The following SRCIN1 variants were observed in gnomAD, a reference collection of about 807,000 sequenced individuals.
SRCIN1 encodes the protein SRC kinase signaling inhibitor 1.
In SRCIN1, 50 loss-of-function variants were observed where a neutral mutation model predicts 116.2. The observed-to-expected ratio is 0.43, with a 90% CI of 0.34 to 0.54. The LOEUF (loss-of-function observed/expected upper bound fraction) is 0.54, where lower values mean the gene tolerates loss of function less well. SRCIN1 is among the 20% of genes least tolerant of loss of function. The probability of loss-of-function intolerance (pLI) is 0.02; values close to 1 mark genes in which losing one functional copy is unlikely to be tolerated. For missense variants in SRCIN1, 1,446 were observed against 1,672.0 expected, an observed-to-expected ratio of 0.86 and a Z score of 2.36; for synonymous variants, 736 against 750.0, an observed-to-expected ratio of 0.98 and a Z score of 0.30.
chr17:38,540,006 G>A (rs556059891), intron 18 of SRCIN1, among the ~76,000 whole-genome samples: 1 of 134,588 alleles, frequency 7.4e-6, no homozygotes, highest in Non-Finnish European at 1.5e-5. Context: ...GAGCAACAGA[G>A]CGAGACTCCA....
At chr17:38,543,442 C>T (rs1228945617) in intron 18 of SRCIN1, among the ~76,000 whole-genome samples, 1 of 152,228 alleles carries the variant, frequency 6.6e-6, no homozygotes, top group African/African-American at 2.4e-5. Context: ...AATCCCCCTT[C>T]TGCACCCCAG....
Position 38,530,804 on chromosome 17 carries a change from T to C in SRCIN1, c.*2493A>G, listed in dbSNP as rs9903055. The C allele has an allele frequency of 8.5e-4, 130 of 152,414 alleles. No individual in the cohort carries two copies. Among genetic ancestry groups the C allele is most frequent in the African/African-American group, 2.9e-3 (120 of 41,576 alleles). The allele number at this position is 152,414 out of a possible 1,614,324, so 9.4% of individuals were successfully genotyped here. A position where few individuals can be genotyped will look rare whatever the true frequency, so the allele number is the denominator to read the frequency against. ...AGCTCCTCTCACGCTAACATGCAGG[T>C]AGGCACGTGCCAATGCCCAAACAGG... On this transcript the variant is annotated 3_prime_UTR_variant, in exon 19 of 19. Coordinates refer to ENST00000617146, the MANE Select transcript of SRCIN1 (RefSeq NM_025248.3).
rs908468291 is a variant in SRCIN1 at position 38,604,467 on chromosome 17, G to A, written c.22+1217C>T. 1.8e-5 allele frequency: 8 copies of A among 452,648 alleles called. No homozygotes were observed. Among genetic ancestry groups the A allele is most frequent in the African/African-American group, 1.4e-4 (7 of 49,548 alleles). The allele number at this position is 452,648 out of a possible 1,614,324, so 28.0% of individuals were successfully genotyped here. A position where few individuals can be genotyped will look rare whatever the true frequency, so the allele number is the denominator to read the frequency against. On this transcript the variant is annotated intron_variant, in intron 1 of 18. Coordinates refer to ENST00000617146, the MANE Select transcript of SRCIN1 (RefSeq NM_025248.3). The surrounding 1 kb of genome is among the most constrained non-coding windows in gnomAD (Gnocchi z 4.3). Reference sequence around the variant, plus strand: ...GATCCCCCTCCTTGCATACTTCCCCGCGCCTGCTCACCTGGCTCCCCTCGG... The same window carrying A: ...GATCCCCCTCCTTGCATACTTCCCCACGCCTGCTCACCTGGCTCCCCTCGG...
chr17:38,595,747 G>A lies in SRCIN1; in HGVS notation c.22+9937C>T, dbSNP rs1017120462. Among the ~76,000 whole-genome samples, 16 of 151,386 alleles carry A rather than the reference G, an allele frequency of 1.1e-4. No homozygotes were observed. In the East Asian group the frequency reaches 1.9e-3, roughly 18 times the overall value. On this transcript the variant is annotated intron_variant, in intron 1 of 18. Coordinates refer to ENST00000617146, the MANE Select transcript of SRCIN1 (RefSeq NM_025248.3). ...CAAGCCCCCTCAGCAGAGGATTCCCGCCTCTTCTCTTCACCCCAGCCCTAG... is the reference window on the plus strand; with the variant it reads ...CAAGCCCCCTCAGCAGAGGATTCCCACCTCTTCTCTTCACCCCAGCCCTAG...
intron 1 of SRCIN1, among the ~76,000 whole-genome samples, chr17:38,595,348 G>A (rs376189608): frequency 1.3e-5 from 2 of 152,074 alleles, no homozygotes; most frequent in Non-Finnish European, 2.9e-5. Context: ...TTCCTGAGTA[G>A]CTGGGATTAC....
At position 38,578,770 on chromosome 17, in the gene SRCIN1, G is replaced by C. The variant is rs1343509534; in HGVS notation, c.44C>G (p.Pro15Arg). 8 of 1,513,772 alleles carry C rather than the reference G, an allele frequency of 5.3e-6. No individual in the cohort carries two copies. Among genetic ancestry groups the C allele is most frequent in the African/African-American group, 2.8e-5 (2 of 72,280 alleles). 93.8% of individuals were successfully genotyped at this position (1,513,772 alleles called of 1,614,324 possible). Residue 15 changes from proline to arginine, a missense_variant, in exon 2 of 19, where the codon CCC becomes CGC. Pro to Arg is a moderately radical substitution (Grantham distance 103, BLOSUM62 -2). Transcript: ENST00000617146. ...PSQDPERSSPPMLSADDAEYP... is the reference protein window; with the variant it reads ...PSQDPERSSPRMLSADDAEYP... Reference sequence around the variant, plus strand: ...CTCCGCATCGTCCGCAGACAGCATGGGGGGGCTGCTCCGCTCCGGATCTGC... The same window carrying C: ...CTCCGCATCGTCCGCAGACAGCATGCGGGGGCTGCTCCGCTCCGGATCTGC...
intron 2 of SRCIN1, among the ~76,000 whole-genome samples, chr17:38,576,979 C>T (rs1907456912): frequency 1.3e-5 from 2 of 152,192 alleles, no homozygotes; most frequent in South Asian, 2.1e-4. Context: ...TCCCACACAT[C>T]CCACTACCTC....
chr17:38,540,928 AT>A (rs2144894380), intron 18 of SRCIN1, among the ~76,000 whole-genome samples: 1 of 152,222 alleles, frequency 6.6e-6, no homozygotes, highest in South Asian at 2.1e-4. Context: ...CTGCTTCTCT[AT>A]ACTTTACTGT....
At chr17:38,547,991 GC>G in intron 17 of SRCIN1, 1 of 196,204 alleles carries the variant, frequency 5.1e-6, no homozygotes, top group African/African-American at 2.4e-5. Context: ...GATGGCATCG[GC>G]CCCCAGCCTC....
chr17:38,579,216 C>T (rs1030455451), intron 1 of SRCIN1, among the ~76,000 whole-genome samples: 6 of 152,166 alleles, frequency 3.9e-5, no homozygotes, highest in African/African-American at 1.2e-4. Context: ...TAGATGCTCC[C>T]TAAAAGACGT....
In SRCIN1 at chr17:38,604,162, C is replaced by T. The variant is rs1476384179; in HGVS notation, c.22+1522G>A. On this transcript the variant is annotated intron_variant, in intron 1 of 18. Transcript: ENST00000617146. The surrounding 1 kb of genome is among the most constrained non-coding windows in gnomAD (Gnocchi z 4.3). ...GCTCAAGGTCACCCAGACCAAGATA[C>T]CAAGAGTCGGGAAGAAGGTATCCTG... Among the ~76,000 whole-genome samples, 4 of 152,104 alleles carry T rather than the reference C, an allele frequency of 2.6e-5. No homozygotes were observed. Among genetic ancestry groups the T allele is most frequent in the African/African-American group, 9.7e-5 (4 of 41,400 alleles).
chr17:38,540,600 C>T (rs947969249), intron 18 of SRCIN1, among the ~76,000 whole-genome samples: 2 of 151,764 alleles, frequency 1.3e-5, no homozygotes, highest in Non-Finnish European at 2.9e-5. Flanking sequence ...CCACCAGTGA[C>T]CCGCATGGCT....
chr17:38,596,519 G>T (rs573621635), intron 1 of SRCIN1, among the ~76,000 whole-genome samples: 2 of 152,148 alleles, frequency 1.3e-5, no homozygotes, highest in Non-Finnish European at 2.9e-5. Context: ...AGAAACAGGG[G>T]CAGACACTTT....
At chr17:38,550,266 G>A (rs901276390) in intron 15 of SRCIN1, among the ~76,000 whole-genome samples, 4 of 152,152 alleles carry the variant, frequency 2.6e-5, no homozygotes, top group Admixed American at 6.5e-5. Flanking sequence ...AGGCCAAGGT[G>A]GGCGGATCAC....
At chr17:38,581,884 A>G (rs2143341897) in intron 1 of SRCIN1, among the ~76,000 whole-genome samples, 1 of 152,314 alleles carries the variant, frequency 6.6e-6, no homozygotes, top group South Asian at 2.1e-4. Context: ...GTTGCCTCCC[A>G]TAACCCCTGA....
In SRCIN1 at chr17:38,602,268, C is replaced by G. The variant is rs965752589; in HGVS notation, c.22+3416G>C. The G allele has an allele frequency of 3.3e-5, 5 of 152,218 alleles. No homozygotes were observed. The highest frequency in any genetic ancestry group is 1.2e-4 in the African/African-American group (5 of 41,404). 9.4% of individuals were successfully genotyped at this position (152,218 alleles called of 1,614,324 possible). The stretch of plus-strand genomic sequence containing the variant: ...GCCAAATCCGAAGCCTTCATCTCCG[C>G]TACTCAGAGCTTGGAATGAAAGAAG... On this transcript the variant is annotated intron_variant, in intron 1 of 18. Coordinates refer to ENST00000617146, the MANE Select transcript of SRCIN1 (RefSeq NM_025248.3). This position sits in a 1 kb window ranked among gnomAD's most constrained non-coding sequence, Gnocchi z 4.2.
At chr17:38,533,966 C>T (rs1003203371) in intron 18 of SRCIN1, among the ~76,000 whole-genome samples, 1 of 150,034 alleles carries the variant, frequency 6.7e-6, no homozygotes, top group Non-Finnish European at 1.5e-5. Flanking sequence ...TCAAAGACCC[C>T]GTCCACCACC....
chr17:38,541,724 G>C lies in SRCIN1; in HGVS notation c.3417+2099C>G, dbSNP rs1291151168. ...TCCCAGCACTTTGGGAGGCTGAGGT[G>C]GGAGGATCACCTGAGCTCAGGAGTT... On this transcript the variant is annotated intron_variant, in intron 18 of 18. Transcript: ENST00000617146. The C allele has an allele frequency of 2.6e-5, 4 of 152,570 alleles. No individual in the cohort carries two copies. In the East Asian group the frequency reaches 7.7e-4, roughly 29 times the overall value. The allele number at this position is 152,570 out of a possible 1,614,324, so 9.5% of individuals were successfully genotyped here.
intron 17 of SRCIN1, chr17:38,547,644 G>A (rs1905146556): frequency 4.1e-6 from 1 of 241,566 alleles, no homozygotes; most frequent in Non-Finnish European, 8.5e-6. Flanking sequence ...TGTGGCCATG[G>A]TGGGACTTGG....
Sources: gnomAD v4.1 joint callset for allele counts (sites outside exome capture counted in the v4.1 genomes callset) on GRCh38, gnomAD v4.1.1 for gene constraint, Gnocchi (gnomAD v3.1) non-coding constraint, MANE v1.5 for transcripts, NCBI Gene and HGNC (gene_info 2026-07-23, HGNC 2026-07-21) for gene names.